Variants in SOBP observed in about 807,000 individuals in gnomAD.
SOBP encodes sine oculis-binding protein homolog.
Under a neutral mutation model 53.6 loss-of-function variants are expected in SOBP, and 4 were observed. The observed-to-expected ratio is 0.07, with a 90% confidence interval of 0.04 to 0.17. The LOEUF (loss-of-function observed/expected upper bound fraction) is 0.17, where lower values mean the gene tolerates loss of function less well. SOBP is among the 10% of genes least tolerant of loss of function. SOBP has a pLI of 1.00. For missense variants in SOBP, 1,088 were observed against 1,204.7 expected (o/e 0.90, Z 1.43); for synonymous variants, 584 against 522.6 (o/e 1.12, Z -1.60).
intron 5 of SOBP, among the ~76,000 whole-genome samples, chr6:107,598,709 T>G (rs1267501951): frequency 6.6e-6 from 1 of 152,152 alleles, no homozygotes; most frequent in Non-Finnish European, 1.5e-5. Flanking sequence ...AGAAGGCGGT[T>G]AGAACAGTCC....
intron 4 of SOBP, among the ~76,000 whole-genome samples, chr6:107,555,417 T>G (rs1242756691): frequency 6.6e-6 from 1 of 152,222 alleles, no homozygotes; most frequent in African/African-American, 2.4e-5. Context: ...ATCTGAGTAT[T>G]TTTTGATCAC....
chr6:107,599,912 T>C (rs77284704), intron 5 of SOBP, among the ~76,000 whole-genome samples: 3,489 of 152,310 alleles, frequency 0.023, 134 homozygotes, highest in African/African-American at 0.08. Flanking sequence ...TCCACAAGAA[T>C]GTGGGCAAAA....
At position 107,525,582 on chromosome 6, in the gene SOBP, G is replaced by A. The variant is rs1205687849; in HGVS notation, c.422-7877G>A. On this transcript the variant is annotated intron_variant, in intron 3 of 6. Transcript: ENST00000317357. ...CCTGTCTGCTTTGACTAGAAACACG[G>A]GAAGATGAATACTATGAAATTTCAG... 2.0e-5 allele frequency among the ~76,000 whole-genome samples: 3 copies of A among 152,138 alleles called. No individual in the cohort carries two copies. The East Asian group carries it at 5.8e-4, about 29-fold the overall frequency.
In SOBP at chr6:107,634,414, C is replaced by G. The variant is rs1234615473; in HGVS notation, c.1570C>G (p.Leu524Val). Residue 524 changes from leucine to valine, a missense_variant, in exon 6 of 7, where the codon CTC (leucine) becomes GTC (valine). Physicochemically the swap from Leu to Val is conservative, Grantham distance 32. This residue lies in a region of SOBP where 665 missense variants were observed against 629.7 expected (regional missense o/e 1.06). Coordinates refer to ENST00000317357, the MANE Select transcript of SOBP (RefSeq NM_018013.4). The surrounding 1 kb of genome is among the most constrained non-coding windows in gnomAD (Gnocchi z 4.5). ...CCCGCTGGTGCCGCCCCCGACCCTG[C>G]TCGTGCCGTACCCCGTGATCGTGCC... ...LAPLVPPPTL[L>V]VPYPVIVPLP... The G allele has an allele frequency of 6.2e-7, 1 of 1,605,014 alleles. No individual in the cohort carries two copies. The highest frequency in any genetic ancestry group is 8.5e-7 in the Non-Finnish European group (1 of 1,179,742).
chr6:107,595,291 C>G lies in SOBP; in HGVS notation c.669+8116C>G, dbSNP rs1785904715. Among the ~76,000 whole-genome samples, 3 of 141,058 alleles carry G rather than the reference C, an allele frequency of 2.1e-5. No individual in the cohort carries two copies. The Admixed American group carries it at 2.1e-4, about 10-fold the overall frequency. 92.5% of individuals were successfully genotyped at this position (141,058 alleles called of 152,430 possible). The stretch of plus-strand genomic sequence containing the variant: ...TGTAGACTATAGAAAATATATTTTT[C>G]AATATGATACAAACATTCGAGTGTC... On this transcript the variant is annotated intron_variant, in intron 5 of 6. Transcript: ENST00000317357.
At chr6:107,542,735 G>T (rs376343347) in intron 4 of SOBP, among the ~76,000 whole-genome samples, 14 of 152,038 alleles carry the variant, frequency 9.2e-5, no homozygotes, top group East Asian at 1.9e-4. Flanking sequence ...TTAGTTTTTT[G>T]TGTGTGTGGT....
chr6:107,628,544 C>T (rs1481031942), intron 5 of SOBP, among the ~76,000 whole-genome samples: 2 of 152,176 alleles, frequency 1.3e-5, no homozygotes, highest in South Asian at 2.1e-4. Flanking sequence ...ACATGTAAAA[C>T]ATGTGGGACA....
intron 3 of SOBP, among the ~76,000 whole-genome samples, chr6:107,507,678 A>G (rs1049143992): frequency 6.6e-6 from 1 of 152,084 alleles, no homozygotes; most frequent in South Asian, 2.1e-4. Flanking sequence ...AGACAAGACA[A>G]TTCTTCTTCC....
chr6:107,536,482 C>T (rs1410993818), intron 4 of SOBP, among the ~76,000 whole-genome samples: 1 of 152,024 alleles, frequency 6.6e-6, no homozygotes, highest in Non-Finnish European at 1.5e-5. Context: ...AAATGATGGC[C>T]CACTGAAAAT....
chr6:107,614,546 G>T (rs1453066325), intron 5 of SOBP, among the ~76,000 whole-genome samples: 1 of 152,230 alleles, frequency 6.6e-6, no homozygotes, highest in South Asian at 2.1e-4. Flanking sequence ...GGGTTTGCAA[G>T]AAGGCAGTTC....
In SOBP at chr6:107,529,431, A is replaced by T. The variant is rs927963630; in HGVS notation, c.422-4028A>T. On this transcript the variant is annotated intron_variant, in intron 3 of 6. Transcript: ENST00000317357. ...GTCTCAAATATAATCCAGGTCTTTCATTGATTATCTGGATGTGTGCATTCT... is the reference window on the plus strand; with the variant it reads ...GTCTCAAATATAATCCAGGTCTTTCTTTGATTATCTGGATGTGTGCATTCT... 8.1e-6 allele frequency: 8 copies of T among 984,806 alleles called. No individual in the cohort carries two copies. In the African/African-American group the frequency reaches 1.4e-4, roughly 17 times the overall value. 61.0% of individuals were successfully genotyped at this position (984,806 alleles called of 1,614,324 possible).
At chr6:107,614,503 G>T (rs955109532) in intron 5 of SOBP, among the ~76,000 whole-genome samples, 2 of 152,260 alleles carry the variant, frequency 1.3e-5, no homozygotes, top group African/African-American at 4.8e-5. Context: ...GTGCTAAGTA[G>T]CTTCGAGAGA....
At chr6:107,605,353 CA>C (rs1225599005) in intron 5 of SOBP, among the ~76,000 whole-genome samples, 2 of 152,244 alleles carry the variant, frequency 1.3e-5, no homozygotes, top group African/African-American at 4.8e-5. Context: ...TGCTGGGGTT[CA>C]GGGGCCTCGG....
At position 107,587,015 on chromosome 6, in the gene SOBP, G is replaced by A. The variant is rs1785589719; in HGVS notation, c.574-65G>A. On this transcript the variant is annotated intron_variant, in intron 4 of 6. Coordinates refer to ENST00000317357, the MANE Select transcript of SOBP (RefSeq NM_018013.4). ...TTTGTTGAATGATCTGAGCTGTTATGCTTTTTAGCTTTTTTTCTTCCATTA... is the reference window on the plus strand; with the variant it reads ...TTTGTTGAATGATCTGAGCTGTTATACTTTTTAGCTTTTTTTCTTCCATTA... 7 of 1,215,460 alleles carry A rather than the reference G, an allele frequency of 5.8e-6. No homozygotes were observed. The South Asian group carries it at 7.2e-5, about 13-fold the overall frequency. The allele number at this position is 1,215,460 out of a possible 1,614,324, so 75.3% of individuals were successfully genotyped here.
intron 3 of SOBP, among the ~76,000 whole-genome samples, chr6:107,508,620 A>C (rs796073898): frequency 2.6e-5 from 4 of 152,112 alleles, no homozygotes; most frequent in African/African-American, 7.2e-5. Context: ...GAGGTCTTAG[A>C]TATGTCATTA....
chr6:107,636,904 T>C (rs117086521), intron 6 of SOBP, among the ~76,000 whole-genome samples: 267 of 152,318 alleles, frequency 1.8e-3, no homozygotes, highest in Non-Finnish European at 3.2e-3. Flanking sequence ...ACAGAGACAT[T>C]AAAGTAACTT....
In SOBP at chr6:107,625,515, A is replaced by T. The variant is rs188925474; in HGVS notation, c.670-7999A>T. ...TGAAAAGCAGCCAGAAAGTGGGCTA[A>T]GGTAGTGGACACAATGAGGGATTAT... is the stretch of plus-strand genomic sequence containing the variant. On this transcript the variant is annotated intron_variant, in intron 5 of 6. Coordinates refer to ENST00000317357, the MANE Select transcript of SOBP (RefSeq NM_018013.4). Among the ~76,000 whole-genome samples, 51 of 152,346 alleles carry T rather than the reference A, an allele frequency of 3.3e-4. 1 individual carries two copies. Among genetic ancestry groups the T allele is most frequent in the Non-Finnish European group, 2.6e-4 (18 of 68,034 alleles).
Position 107,492,610 on chromosome 6 carries a change from G to A in SOBP, c.96+1898G>A, listed in dbSNP as rs142595219. On this transcript the variant is annotated intron_variant, in intron 1 of 6. Transcript: ENST00000317357. ...ATAACAGATGTTTGTCTGAACTGGT[G>A]AGGAAGAAACAAAAACAACATTGTG... Among the ~76,000 whole-genome samples the A allele has an allele frequency of 2.6e-5, 4 of 152,286 alleles. No individual in the cohort carries two copies. In the East Asian group the frequency reaches 7.7e-4, roughly 29 times the overall value.
chr6:107,570,304 T>TATAAAAGAATTGTACTTTTC (rs1785038242), intron 4 of SOBP, among the ~76,000 whole-genome samples: 2 of 152,220 alleles, frequency 1.3e-5, no homozygotes, highest in African/African-American at 4.8e-5. Flanking sequence ...GAGTGAAGGC[T>TATAAAAGAATTGTACTTTTC]ATAAAAGAAT....
Sources: allele counts gnomAD v4.1 joint callset (sites outside exome capture counted in the v4.1 genomes callset), GRCh38; gene constraint gnomAD v4.1.1; regional missense constraint gnomAD v4.1.1; non-coding constraint Gnocchi (gnomAD v3.1); transcripts MANE v1.5; gene names NCBI Gene and HGNC (gene_info 2026-07-23, HGNC 2026-07-21).